Variants in BAIAP2 observed in about 807,000 individuals in gnomAD.
BAIAP2 encodes the protein BAR/IMD domain-containing adapter protein 2.
Under a neutral mutation model 63.0 loss-of-function variants are expected in BAIAP2, and 18 were observed. The observed-to-expected ratio is 0.29, with a 90% confidence interval of 0.20 to 0.42. The LOEUF is 0.42. Among genes scored for constraint, BAIAP2 ranks in the 10% least tolerant of loss-of-function variants. BAIAP2 has a pLI of 1.00. For missense variants in BAIAP2, 610 were observed against 734.3 expected, an observed-to-expected ratio of 0.83 and a Z score of 1.96; for synonymous variants, 386 against 307.6, an observed-to-expected ratio of 1.25 and a Z score of -2.67.
chr17:81,053,423 C>T (rs767737019), intron 1 of BAIAP2: 16 of 540,288 alleles, frequency 3.0e-5, no homozygotes, highest in Non-Finnish European at 5.0e-5. Context: ...CACTCCTCTG[C>T]GGCCGGGTTT....
chr17:81,049,981 G>A (rs1461760205), intron 1 of BAIAP2, among the ~76,000 whole-genome samples: 3 of 152,212 alleles, frequency 2.0e-5, no homozygotes, highest in East Asian at 3.9e-4. Flanking sequence ...TCAGAGAGAC[G>A]CCTGACCAGA....
intron 13 of BAIAP2, chr17:81,110,838 G>A (rs1188906472): frequency 1.2e-5 from 19 of 1,577,824 alleles, no homozygotes; most frequent in East Asian, 4.5e-5. Context: ...CAGCTCGCCC[G>A]TGGTCCCCCC....
chr17:81,070,480 G>A (rs898391011), intron 3 of BAIAP2, among the ~76,000 whole-genome samples: 12 of 152,204 alleles, frequency 7.9e-5, no homozygotes, highest in Non-Finnish European at 1.2e-4. Context: ...ACCTCCTTGC[G>A]GACACTGGGC....
intron 6 of BAIAP2, among the ~76,000 whole-genome samples, chr17:81,089,071 G>A (rs963144077): frequency 2.6e-5 from 4 of 152,388 alleles, no homozygotes; most frequent in South Asian, 2.1e-4. Context: ...CTGCTCTGCC[G>A]TGGGCCCCGG....
At chr17:81,088,078 C>G (rs577350292) in intron 6 of BAIAP2, among the ~76,000 whole-genome samples, 2 of 152,096 alleles carry the variant, frequency 1.3e-5, no homozygotes, top group South Asian at 2.1e-4. Context: ...TTTTCTTCTT[C>G]CTCCCACCGT....
chr17:81,063,413 C>T (rs1406688757), intron 3 of BAIAP2, among the ~76,000 whole-genome samples: 2 of 152,238 alleles, frequency 1.3e-5, no homozygotes, highest in Non-Finnish European at 1.5e-5. Flanking sequence ...GTAACAGTTT[C>T]TCTGTCCTCC....
rs781678206 is a variant in BAIAP2, at chr17:81,057,888, G to A, written c.138G>A (p.Thr46=). Residue 46 remains threonine, a synonymous_variant, in exon 3 of 14, where the codon ACG becomes ACA. Coordinates refer to ENST00000428708, the MANE Select transcript of BAIAP2 (RefSeq NM_001144888.2). ...KNYEKALAGV[T]YAAKGYFDAL... ...CCTTTTCTTCTCTCTCAGGTGTGAC[G>A]TATGCAGCCAAAGGCTACTTTGACG... 26 of 1,607,096 alleles carry A rather than the reference G, an allele frequency of 1.6e-5. No homozygotes were observed. The highest frequency in any genetic ancestry group is 1.1e-4 in the African/African-American group (8 of 74,236).
chr17:81,056,270 A>T (rs1044188839), intron 2 of BAIAP2: 4 of 152,240 alleles, frequency 2.6e-5, no homozygotes, highest in Admixed American at 2.6e-4. Context: ...GAATGAGACC[A>T]GTTGTTCATC....
chr17:81,037,940 C>T (rs1237484704), intron 1 of BAIAP2, among the ~76,000 whole-genome samples: 1 of 152,272 alleles, frequency 6.6e-6, no homozygotes, highest in Non-Finnish European at 1.5e-5. Context: ...CTGGTGGCTC[C>T]ATTCCCTTGG....
At chr17:81,114,096 C>G (rs1008817470) in intron 13 of BAIAP2, among the ~76,000 whole-genome samples, 1 of 150,692 alleles carries the variant, frequency 6.6e-6, no homozygotes, top group Non-Finnish European at 1.5e-5. Context: ...CCCCATGGAG[C>G]TGGGACCACA....
rs1329900594 is a variant in BAIAP2, at chr17:81,074,613, GTGAGTGCCTGTGTGCGTGCACGGATGCGT to G, written c.218-10209_218-10181del. Among the ~76,000 whole-genome samples, 803 of 149,450 alleles carry G rather than the reference GTGAGTGCCTGTGTGCGTGCACGGATGCGT, an allele frequency of 5.4e-3. 6 individuals are homozygous for G. The highest frequency in any genetic ancestry group is 0.018 in the African/African-American group (729 of 40,476). On this transcript the variant is annotated intron_variant, in intron 3 of 13. Transcript: ENST00000428708. ...TGCCTGTGTGTGCGTGCACGGATGC[GTGAGTGCCTGTGTGCGTGCACGGATGCGT>G]TGAGTGCCTCTGTGTCTGCGTGCAC... is the stretch of plus-strand genomic sequence containing the variant.
chr17:81,104,186 A>C, intron 9 of BAIAP2, 78 bp downstream of exon 9: 3 of 1,466,284 alleles, frequency 2.0e-6, no homozygotes, highest in Non-Finnish European at 2.8e-6. Flanking sequence ...CACAACCCTC[A>C]ATAGGGGCCT....
At chr17:81,100,961 C>T (rs1214806824) in intron 7 of BAIAP2, among the ~76,000 whole-genome samples, 3 of 152,176 alleles carry the variant, frequency 2.0e-5, no homozygotes, top group African/African-American at 7.2e-5. Context: ...CCCTCGTGAC[C>T]TCTGAGAGAC....
intron 3 of BAIAP2, among the ~76,000 whole-genome samples, chr17:81,069,926 G>C (rs966720955): frequency 6.6e-6 from 1 of 152,050 alleles, no homozygotes; most frequent in Admixed American, 6.5e-5. Flanking sequence ...AAGATTGGAG[G>C]GTTTTTTGTT....
chr17:81,078,523 C>G, intron 3 of BAIAP2, among the ~76,000 whole-genome samples: 1 of 115,924 alleles, frequency 8.6e-6, no homozygotes, highest in Non-Finnish European at 1.7e-5. Flanking sequence ...TGCTGTGGTG[C>G]GGGTGCCGTA....
At chr17:81,036,407 G>GT (rs1383516820) in intron 1 of BAIAP2, among the ~76,000 whole-genome samples, 1 of 152,266 alleles carries the variant, frequency 6.6e-6, no homozygotes, top group African/African-American at 2.4e-5. Flanking sequence ...GCCCGGCAGA[G>GT]TAACTGTTTC....
intron 1 of BAIAP2, 145 bp downstream of exon 1, chr17:81,035,453 C>T (rs1465372920): frequency 3.5e-5 from 12 of 340,502 alleles, no homozygotes; most frequent in Non-Finnish European, 5.0e-5. Flanking sequence ...CCGGCGCGGC[C>T]ACCCGGGACC....
rs576178216 is a variant in BAIAP2, at chr17:81,081,260, C to T, written c.218-3572C>T. Among the ~76,000 whole-genome samples the T allele has an allele frequency of 9.2e-5, 14 of 152,324 alleles. No homozygotes were observed. The South Asian group carries it at 1.0e-3, about 11-fold the overall frequency. On this transcript the variant is annotated intron_variant, in intron 3 of 13. Transcript: ENST00000428708. Reference sequence around the variant, plus strand: ...TGGGAATTTATAGGATGCCAAAGAACGCCGAGAAGCACGAGGAGCCCTGGA... The same window carrying T: ...TGGGAATTTATAGGATGCCAAAGAATGCCGAGAAGCACGAGGAGCCCTGGA...
At chr17:81,098,094 G>T in intron 6 of BAIAP2, 1 of 1,353,538 alleles carries the variant, frequency 7.4e-7, no homozygotes, top group South Asian at 1.8e-5. Context: ...GGGTCATGGA[G>T]GGGCCAGCGG....
Sources: allele counts gnomAD v4.1 joint callset (sites outside exome capture counted in the v4.1 genomes callset), GRCh38; gene constraint gnomAD v4.1.1; transcripts MANE v1.5; gene names NCBI Gene and HGNC (gene_info 2026-07-23, HGNC 2026-07-21).